The following TUB variants were observed in gnomAD, a reference collection of about 807,000 sequenced individuals.
The protein encoded by TUB is TUB bipartite transcription factor.
TUB carries 33 observed loss-of-function variants against 59.7 expected under a neutral mutation model. That is an observed-to-expected ratio of 0.55 (90% CI 0.42 to 0.74). TUB has a LOEUF of 0.74. Ranked by LOEUF, TUB falls within the 30% of genes least tolerant of loss-of-function variation. TUB has a pLI of 0.00. For synonymous variants in TUB, 293 were observed against 256.4 expected, an observed-to-expected ratio of 1.14 and a Z score of -1.36; for missense variants, 659 against 672.0, an observed-to-expected ratio of 0.98 and a Z score of 0.21.
chr11:8,049,645 A>G (rs1046860515), intron 2 of TUB, among the ~76,000 whole-genome samples: 1 of 150,868 alleles, frequency 6.6e-6, no homozygotes. Flanking sequence ...CATTACTTTT[A>G]TTGTGTAATT....
chr11:8,098,747 C>T lies in TUB; in HGVS notation c.999-11C>T. ...GTGCATGACTCTATACTGATTGTGC[C>T]TTTATTTCAGGTCCAACTTGATGGG... On this transcript the variant is annotated splice_polypyrimidine_tract_variant and intron_variant, in intron 8 of 11. Coordinates refer to ENST00000299506, the MANE Select transcript of TUB (RefSeq NM_177972.3). 6.2e-7 allele frequency: 1 copy of T among 1,606,350 alleles called. No homozygotes were observed. The highest frequency in any genetic ancestry group is 1.1e-5 in the South Asian group (1 of 90,860).
chr11:8,086,301 T>A (rs1943664470), intron 1 of TUB, among the ~76,000 whole-genome samples: 1 of 152,112 alleles, frequency 6.6e-6, no homozygotes, highest in Non-Finnish European at 1.5e-5. Context: ...ACAGGCAGGC[T>A]GGGGAAGCGT....
chr11:8,045,509 A>G (rs781779650), intron 2 of TUB, among the ~76,000 whole-genome samples: 1 of 152,214 alleles, frequency 6.6e-6, no homozygotes, highest in Non-Finnish European at 1.5e-5. Flanking sequence ...CTGACAAACA[A>G]TTAAGTTACA....
At chr11:8,083,536 C>G (rs1459588061) in intron 1 of TUB, among the ~76,000 whole-genome samples, 2 of 152,160 alleles carry the variant, frequency 1.3e-5, no homozygotes, top group African/African-American at 4.8e-5. Flanking sequence ...CTAGCAAGTG[C>G]CTAGGGCCCT....
upstream of TUB, among the ~76,000 whole-genome samples, chr11:8,035,237 CA>C (rs202045622): frequency 9.6e-3 from 1,464 of 152,334 alleles, 23 homozygotes; most frequent in African/African-American, 0.033. Context: ...AGACAAGATA[CA>C]ACACTGGATT....
At chr11:8,072,129 C>A (rs1049777830) in intron 2 of TUB, among the ~76,000 whole-genome samples, 2 of 152,096 alleles carry the variant, frequency 1.3e-5, no homozygotes, top group Non-Finnish European at 2.9e-5. Flanking sequence ...GACCAGGAGT[C>A]GGGAGAGAGA....
intron 3 of TUB, among the ~76,000 whole-genome samples, chr11:8,092,353 C>T (rs1299961006): frequency 6.6e-6 from 1 of 151,524 alleles, no homozygotes; most frequent in Non-Finnish European, 1.5e-5. Flanking sequence ...CCCAGGAGTT[C>T]AAGACTGCAG....
intron 9 of TUB, 114 bp from the exon 10 acceptor site, chr11:8,100,389 A>G (rs1054363565): frequency 6.2e-6 from 5 of 808,284 alleles, no homozygotes; most frequent in Non-Finnish European, 1.0e-5. Context: ...TGTGTGTTAG[A>G]CTTCGGAGTG....
intron 2 of TUB, among the ~76,000 whole-genome samples, chr11:8,042,809 G>A (rs911601612): frequency 5.9e-5 from 9 of 152,010 alleles, no homozygotes; most frequent in African/African-American, 2.2e-4. Flanking sequence ...TTATTGAGTT[G>A]AAGCATTCTT....
At chr11:8,042,998 T>G (rs55755543) in intron 2 of TUB, among the ~76,000 whole-genome samples, 26,785 of 152,156 alleles carry the variant, frequency 0.18, 2,486 homozygotes, top group East Asian at 0.22. Flanking sequence ...GTGTCACATG[T>G]AAGAAACTGT....
upstream of TUB, among the ~76,000 whole-genome samples, chr11:8,036,904 T>A (rs149487015): frequency 1.9e-3 from 291 of 152,332 alleles, 1 homozygote; most frequent in Middle Eastern, 6.8e-3. Flanking sequence ...TCACCTTTTT[T>A]CCTGGTCCAC....
chr11:8,075,899 G>A (rs2133804082), intron 2 of TUB: 1 of 152,382 alleles, frequency 6.6e-6, no homozygotes, highest in Admixed American at 6.5e-5. Flanking sequence ...ACTGTACTCT[G>A]ATGAGTTGCT....
chr11:8,093,839 G>A (rs185679161), intron 3 of TUB, among the ~76,000 whole-genome samples: 12 of 152,242 alleles, frequency 7.9e-5, no homozygotes, highest in African/African-American at 1.2e-4. Flanking sequence ...TGGGGGTGCC[G>A]CCTCCTTCCA....
At chr11:8,080,619 G>A (rs112986136), upstream of TUB, among the ~76,000 whole-genome samples, 4 of 152,334 alleles carry the variant, frequency 2.6e-5, no homozygotes, top group African/African-American at 9.6e-5. Context: ...CAAGGCTACT[G>A]TGGAGATTAC....
At chr11:8,049,576 TATATAGATAG>T (rs1265139315) in intron 2 of TUB, among the ~76,000 whole-genome samples, 33 of 128,986 alleles carry the variant, frequency 2.6e-4, no homozygotes, top group African/African-American at 9.3e-4. Context: ...TATATATATA[TATATAGATAG>T]ATAGATAGAT....
At chr11:8,050,694 G>A (rs555867630) in intron 2 of TUB, among the ~76,000 whole-genome samples, 10 of 151,870 alleles carry the variant, frequency 6.6e-5, no homozygotes, top group African/African-American at 2.4e-4. Context: ...TAAATAAAAC[G>A]GCCTGGTTAA....
Position 8,063,406 on chromosome 11 carries a change from A to G in TUB, c.203+23714A>G, listed in dbSNP as rs80134399. Among the ~76,000 whole-genome samples the G allele has an allele frequency of 3.6e-3, 544 of 152,366 alleles. 3 individuals are homozygous for G. The highest frequency in any genetic ancestry group is 0.012 in the African/African-American group (513 of 41,588). On this transcript the variant is annotated intron_variant, in intron 2 of 12. Coordinates refer to the TUB transcript ENST00000305253. ...TTACTGACTTAACTGAATTAACATGAAGGCAGCATGAAGTAGCCGACTGCA... is the reference window on the plus strand; with the variant it reads ...TTACTGACTTAACTGAATTAACATGGAGGCAGCATGAAGTAGCCGACTGCA...
chr11:8,064,312 G>A (rs532690755), intron 2 of TUB, among the ~76,000 whole-genome samples: 17 of 152,332 alleles, frequency 1.1e-4, no homozygotes, highest in African/African-American at 3.6e-4. Flanking sequence ...AGGCTGCACA[G>A]CCTCTTACCC....
At chr11:8,068,136 G>A (rs1259928520) in intron 2 of TUB, 3 of 152,304 alleles carry the variant, frequency 2.0e-5, no homozygotes, top group African/African-American at 7.2e-5. Context: ...GGCGGAAATC[G>A]TTAAACAGCC....
Sources: allele counts gnomAD v4.1 joint callset (sites outside exome capture counted in the v4.1 genomes callset), GRCh38; gene constraint gnomAD v4.1.1; transcripts MANE v1.5; gene names NCBI Gene and HGNC (gene_info 2026-07-23, HGNC 2026-07-21).